Variants in MCTP1 observed in about 807,000 individuals in gnomAD.
MCTP1 encodes multiple C2 and transmembrane domain-containing protein 1.
A neutral mutation model predicts 120.6 loss-of-function variants in MCTP1; 69 were observed. The ratio of observed to expected loss-of-function variants is 0.57; its 90% CI spans 0.47 to 0.70. The LOEUF (loss-of-function observed/expected upper bound fraction) is 0.70, where lower values mean the gene tolerates loss of function less well. Among genes scored for constraint, MCTP1 ranks in the 30% least tolerant of loss-of-function variants. The pLI is 0.00. For missense variants in MCTP1, 1,203 were observed against 1,248.8 expected, an observed-to-expected ratio of 0.96 and a Z score of 0.55; for synonymous variants, 529 against 493.1, an observed-to-expected ratio of 1.07 and a Z score of -0.96.
At chr5:94,811,227 G>GTCTT (rs1371128927) in intron 17 of MCTP1, among the ~76,000 whole-genome samples, 1 of 152,132 alleles carries the variant, frequency 6.6e-6, no homozygotes, top group African/African-American at 2.4e-5. Context: ...ACTGATGAAT[G>GTCTT]TCTTTCTCCC....
intron 1 of MCTP1, among the ~76,000 whole-genome samples, chr5:95,198,573 C>T (rs1327325376): frequency 1.3e-5 from 2 of 152,104 alleles, no homozygotes; most frequent in Non-Finnish European, 2.9e-5. Flanking sequence ...GGATTAAATG[C>T]ATTTTCACCT....
intron 2 of MCTP1, among the ~76,000 whole-genome samples, chr5:94,968,756 C>G (rs187650511): frequency 6.6e-6 from 1 of 152,192 alleles, no homozygotes; most frequent in Non-Finnish European, 1.5e-5. Context: ...AAGGTTAGAG[C>G]GCCTTGCAGG....
At chr5:95,257,764 C>T (rs1307188591) in intron 1 of MCTP1, among the ~76,000 whole-genome samples, 5 of 127,536 alleles carry the variant, frequency 3.9e-5, no homozygotes, top group African/African-American at 8.8e-5. Context: ...CTAATGGGAC[C>T]GTAAAGAAGG....
At chr5:94,897,410 G>A (rs1804322961) in intron 10 of MCTP1, among the ~76,000 whole-genome samples, 1 of 152,112 alleles carries the variant, frequency 6.6e-6, no homozygotes, top group South Asian at 2.1e-4. Context: ...AGGCTGGAGT[G>A]CAGTGGCGCG....
At chr5:95,178,028 A>C (rs1179334854) in intron 1 of MCTP1, among the ~76,000 whole-genome samples, 2 of 152,148 alleles carry the variant, frequency 1.3e-5, no homozygotes, top group African/African-American at 2.4e-5. Context: ...CATGCTCCTA[A>C]GTGGACTGCA....
chr5:94,871,206 G>C (rs951733722), intron 14 of MCTP1, 109 bp downstream of exon 14: 4 of 762,590 alleles, frequency 5.2e-6, no homozygotes, highest in Admixed American at 2.4e-5. Flanking sequence ...TCTTATTACA[G>C]ACCTTGGTTG....
intron 1 of MCTP1, among the ~76,000 whole-genome samples, chr5:95,148,463 C>G (rs1760610825): frequency 6.6e-6 from 1 of 152,190 alleles, no homozygotes; most frequent in Non-Finnish European, 1.5e-5. Context: ...CTCTGACATT[C>G]TTTCCTCAGC....
At chr5:95,081,028 A>G (rs932822077) in intron 1 of MCTP1, among the ~76,000 whole-genome samples, 2 of 152,184 alleles carry the variant, frequency 1.3e-5, no homozygotes, top group Non-Finnish European at 2.9e-5. Flanking sequence ...ATAATTATTC[A>G]AAGATAATCA....
At chr5:95,065,778 A>G (rs1750501304) in intron 1 of MCTP1, among the ~76,000 whole-genome samples, 1 of 152,234 alleles carries the variant, frequency 6.6e-6, no homozygotes, top group Non-Finnish European at 1.5e-5. Context: ...ACATGTTTCA[A>G]TAAATGATGC....
intron 19 of MCTP1, among the ~76,000 whole-genome samples, chr5:94,775,603 T>C (rs1775116325): frequency 6.6e-6 from 1 of 152,184 alleles, no homozygotes; most frequent in African/African-American, 2.4e-5. Flanking sequence ...CAAAGGGAAT[T>C]GAGAACTCAG....
chr5:94,863,994 T>C (rs1796313812), intron 17 of MCTP1, among the ~76,000 whole-genome samples: 1 of 151,812 alleles, frequency 6.6e-6, no homozygotes, highest in Admixed American at 6.6e-5. Context: ...GAGCACAAAT[T>C]ATCTGGAAGC....
At chr5:94,820,349 C>T (rs1005386038) in intron 17 of MCTP1, among the ~76,000 whole-genome samples, 13 of 152,134 alleles carry the variant, frequency 8.5e-5, no homozygotes, top group African/African-American at 2.7e-4. Context: ...CAAGTTTTGG[C>T]GAAGGACTCA....
At chr5:95,036,693 TA>T (rs1177488828) in intron 1 of MCTP1, among the ~76,000 whole-genome samples, 1 of 152,204 alleles carries the variant, frequency 6.6e-6, no homozygotes, top group African/African-American at 2.4e-5. Flanking sequence ...ATCCTACCCA[TA>T]AAATTAATTA....
intron 19 of MCTP1, among the ~76,000 whole-genome samples, chr5:94,776,770 A>G (rs973781379): frequency 3.9e-5 from 6 of 152,166 alleles, no homozygotes; most frequent in Admixed American, 3.9e-4. Flanking sequence ...CAAACTTTAA[A>G]TAAAGGAACC....
intron 1 of MCTP1, among the ~76,000 whole-genome samples, chr5:95,240,189 A>G (rs1440620467): frequency 6.6e-6 from 1 of 152,134 alleles, no homozygotes; most frequent in African/African-American, 2.4e-5. Flanking sequence ...CAATTTGCCT[A>G]TTTCTATTTA....
chr5:94,907,282 C>T (rs574708219), intron 10 of MCTP1, among the ~76,000 whole-genome samples: 4 of 152,242 alleles, frequency 2.6e-5, no homozygotes, highest in African/African-American at 9.6e-5. Context: ...CAAAAGGCAA[C>T]CTTGCTAATT....
intron 7 of MCTP1, among the ~76,000 whole-genome samples, chr5:94,920,634 C>T (rs1292535765): frequency 4.0e-5 from 6 of 151,644 alleles, no homozygotes; most frequent in South Asian, 2.1e-4. Flanking sequence ...CCCAGCTACT[C>T]GGGAGGCTGA....
rs1391835733 is a variant in MCTP1, at chr5:94,923,869, TA to T, written c.1272+92del. ...AATACCTCTATCTGGAAGCCTATCT[TA>T]AAAAATGAAACTCTTAGTTGCCATG... On this transcript the variant is annotated intron_variant, in intron 7 of 22. Transcript: ENST00000515393. The T allele has an allele frequency of 4.1e-6, 3 of 732,064 alleles. No homozygotes were observed. In the East Asian group the frequency reaches 9.0e-5, roughly 22 times the overall value. 45.3% of individuals were successfully genotyped at this position (732,064 alleles called of 1,614,324 possible).
intron 1 of MCTP1, among the ~76,000 whole-genome samples, chr5:95,054,324 G>C (rs1746796484): frequency 6.6e-6 from 1 of 152,136 alleles, no homozygotes; most frequent in African/African-American, 2.4e-5. Flanking sequence ...TTGAAGCAGA[G>C]AACAGGAATC....
Sources: allele counts gnomAD v4.1 joint callset (sites outside exome capture counted in the v4.1 genomes callset), GRCh38; gene constraint gnomAD v4.1.1; transcripts MANE v1.5; gene names NCBI Gene and HGNC (gene_info 2026-07-23, HGNC 2026-07-21).